The following GRK5 variants were observed in gnomAD, a reference collection of about 807,000 sequenced individuals.
The protein encoded by GRK5 is G protein-coupled receptor kinase 5, also known as g protein-coupled receptor kinase GRK5.
A neutral mutation model predicts 78.4 loss-of-function variants in GRK5; 40 were observed. That is an observed-to-expected ratio of 0.51 (90% CI 0.40 to 0.66). The LOEUF (loss-of-function observed/expected upper bound fraction) is 0.66. Among genes scored for constraint, GRK5 ranks in the 30% least tolerant of loss-of-function variants. The pLI is 0.00. For synonymous variants in GRK5, 289 were observed against 296.8 expected (o/e 0.97, Z 0.27); for missense variants, 598 against 759.9 (o/e 0.79, Z 2.50).
intron 2 of GRK5, 73 bp downstream of exon 2, chr10:119,326,684 G>T (rs529612408): frequency 8.8e-7 from 1 of 1,136,900 alleles, no homozygotes; most frequent in South Asian, 1.3e-5. Context: ...GTGCATTAAG[G>T]CAAATGGGTG....
chr10:119,449,270 G>C (rs964193261), intron 13 of GRK5, among the ~76,000 whole-genome samples: 2 of 152,204 alleles, frequency 1.3e-5, no homozygotes, highest in African/African-American at 4.8e-5. Flanking sequence ...AGAACCAGTG[G>C]TTATCACTTA....
Position 119,423,165 on chromosome 10 carries a change from G to C in GRK5, c.340-1G>C. The C allele has an allele frequency of 6.2e-7, 1 of 1,608,036 alleles. No homozygotes were observed. Among genetic ancestry groups the C allele is most frequent in the Non-Finnish European group, 8.5e-7 (1 of 1,174,450 alleles). On this transcript the variant is annotated splice_acceptor_variant, in intron 4 of 15. Coordinates refer to ENST00000392870, the MANE Select transcript of GRK5 (RefSeq NM_005308.3). LOFTEE classifies it high-confidence loss of function. ...CACCTCCCTTCCCTTCCTTCTTCCA[G>C]TCCCCTGTTTTCATAGCCCAAGTTG...
chr10:119,280,776 C>T (rs988284039), intron 1 of GRK5, among the ~76,000 whole-genome samples: 1 of 108,740 alleles, frequency 9.2e-6, no homozygotes, highest in African/African-American at 3.7e-5. Context: ...TCCCTCCCTC[C>T]TTTTCTTTTT....
chr10:119,360,875 G>A (rs577285635), intron 2 of GRK5, among the ~76,000 whole-genome samples: 17 of 152,306 alleles, frequency 1.1e-4, no homozygotes, highest in East Asian at 5.8e-4. Flanking sequence ...GGCCCTGAGC[G>A]TTCTGAGCCT....
intron 11 of GRK5, 87 bp downstream of exon 11, chr10:119,442,175 C>G (rs1163807987): frequency 1.0e-5 from 10 of 998,142 alleles, no homozygotes; most frequent in Admixed American, 1.8e-5. Context: ...GCCCGCAGAG[C>G]CTCTCGCCTC....
intron 1 of GRK5, among the ~76,000 whole-genome samples, chr10:119,213,374 G>A (rs1021227982): frequency 1.2e-4 from 18 of 152,128 alleles, no homozygotes; most frequent in African/African-American, 3.9e-4. Flanking sequence ...AGCGGGGTGT[G>A]GTGGTGCCCG....
chr10:119,275,516 C>A (rs11597415), intron 1 of GRK5, among the ~76,000 whole-genome samples: 9 of 151,618 alleles, frequency 5.9e-5, no homozygotes, highest in Admixed American at 2.0e-4. Flanking sequence ...CCTTTATTTC[C>A]TATGATAAAT....
At chr10:119,236,381 A>AT (rs1456101538) in intron 1 of GRK5, among the ~76,000 whole-genome samples, 2 of 151,058 alleles carry the variant, frequency 1.3e-5, no homozygotes, top group East Asian at 2.0e-4. Flanking sequence ...CACCTGGCTA[A>AT]TTTTTTGTGT....
At chr10:119,294,434 C>T (rs1850043448) in intron 1 of GRK5, among the ~76,000 whole-genome samples, 2 of 152,136 alleles carry the variant, frequency 1.3e-5, no homozygotes, top group African/African-American at 4.8e-5. Flanking sequence ...GCAGATTTCC[C>T]AGGCAGGCAC....
At chr10:119,230,853 A>G (rs1589691516) in intron 1 of GRK5, among the ~76,000 whole-genome samples, 1 of 149,844 alleles carries the variant, frequency 6.7e-6, no homozygotes. Context: ...AAAAAAAAAA[A>G]GAGCCACTGA....
intron 2 of GRK5, among the ~76,000 whole-genome samples, chr10:119,352,614 T>A (rs1168864493): frequency 2.1e-5 from 1 of 48,420 alleles, no homozygotes; most frequent in Non-Finnish European, 6.7e-5. Context: ...AGCTCCTGGG[T>A]CTGTTTTGGT....
chr10:119,406,355 C>A, intron 4 of GRK5: 2 of 530,028 alleles, frequency 3.8e-6, no homozygotes, highest in Non-Finnish European at 2.4e-6. Context: ...CATTCCTGAT[C>A]TCCCTTCCTG....
At chr10:119,228,193 A>T (rs1391979204) in intron 1 of GRK5, among the ~76,000 whole-genome samples, 1 of 152,038 alleles carries the variant, frequency 6.6e-6, no homozygotes, top group African/African-American at 2.4e-5. Context: ...CAAAAAACTA[A>T]AATTAGCTGG....
chr10:119,287,944 C>T (rs1354232853), intron 1 of GRK5, among the ~76,000 whole-genome samples: 3 of 150,878 alleles, frequency 2.0e-5, no homozygotes, highest in East Asian at 1.9e-4. Flanking sequence ...TGCTCATTCC[C>T]CGTCCTCCCT....
chr10:119,280,242 C>T (rs1174148550), intron 1 of GRK5, among the ~76,000 whole-genome samples: 3 of 152,172 alleles, frequency 2.0e-5, no homozygotes, highest in Admixed American at 2.0e-4. Flanking sequence ...AATGGATTAT[C>T]CCAAACATGC....
intron 4 of GRK5, among the ~76,000 whole-genome samples, chr10:119,404,731 A>G (rs1216368285): frequency 6.6e-6 from 1 of 152,244 alleles, no homozygotes; most frequent in Non-Finnish European, 1.5e-5. Flanking sequence ...CCAGGGGGCC[A>G]GGCCTGGTCC....
intron 1 of GRK5, among the ~76,000 whole-genome samples, chr10:119,248,679 A>G (rs371858578): frequency 2.0e-4 from 30 of 152,276 alleles, no homozygotes; most frequent in Admixed American, 6.5e-4. Flanking sequence ...CCTGTGAGGC[A>G]AGACTGATTT....
chr10:119,241,750 G>A (rs866092861), intron 1 of GRK5, among the ~76,000 whole-genome samples: 6 of 152,164 alleles, frequency 3.9e-5, no homozygotes, highest in Admixed American at 6.5e-5. Flanking sequence ...AGGAAGAGCC[G>A]TTTTCCTCCG....
chr10:119,451,389 C>T (rs1003227468), intron 13 of GRK5, among the ~76,000 whole-genome samples: 6 of 152,110 alleles, frequency 3.9e-5, no homozygotes, highest in African/African-American at 1.4e-4. Context: ...CATTCCTCTG[C>T]AAGCCACCCA....
Sources: allele counts gnomAD v4.1 joint callset (sites outside exome capture counted in the v4.1 genomes callset), GRCh38; gene constraint gnomAD v4.1.1; transcripts MANE v1.5; gene names NCBI Gene and HGNC (gene_info 2026-07-23, HGNC 2026-07-21).